The following IRGM variants were observed in gnomAD, a reference collection of about 807,000 sequenced individuals.
The protein encoded by IRGM is immunity related GTPase M.
For synonymous variants in IRGM, 98 were observed against 80.6 expected, an observed-to-expected ratio of 1.22 and a Z score of -1.16; for missense variants, 288 against 219.9, an observed-to-expected ratio of 1.31 and a Z score of -1.96.
At chr5:150,895,720 G>T in intron 3 of IRGM, 5 of 1,613,642 alleles carry the variant, frequency 3.1e-6, no homozygotes, top group Non-Finnish European at 3.4e-6. Flanking sequence ...CCAATGAGAT[G>T]TGACTTCTGG....
At chr5:150,877,031 T>G (rs1470650439) in intron 1 of IRGM, among the ~76,000 whole-genome samples, 1 of 152,214 alleles carries the variant, frequency 6.6e-6, no homozygotes, top group Non-Finnish European at 1.5e-5. Flanking sequence ...GGTTGGGGAT[T>G]GGTGCATTTC....
chr5:150,864,479 G>T (rs10077333), intron 1 of IRGM, among the ~76,000 whole-genome samples: 37,859 of 151,964 alleles, frequency 0.25, 6,780 homozygotes, highest in East Asian at 0.61. Flanking sequence ...CTTCCTAACA[G>T]CTGTATGTCT....
At chr5:150,858,988 C>T (rs1378797381) in intron 1 of IRGM, among the ~76,000 whole-genome samples, 3 of 152,204 alleles carry the variant, frequency 2.0e-5, no homozygotes, top group Non-Finnish European at 2.9e-5. Flanking sequence ...TGAGAGAGGG[C>T]ATCCCTGTCT....
chr5:150,897,991 T>C, intron 3 of IRGM: 1 of 1,528,420 alleles, frequency 6.5e-7, no homozygotes, highest in Admixed American at 2.1e-5. Flanking sequence ...AATAGGAGAT[T>C]TTGATAAGGA....
At chr5:150,871,172 T>C (rs1006675886) in intron 1 of IRGM, among the ~76,000 whole-genome samples, 3 of 152,230 alleles carry the variant, frequency 2.0e-5, no homozygotes, top group African/African-American at 7.2e-5. Flanking sequence ...CTGCCTTTTT[T>C]CCACCATGAC....
At chr5:150,888,495 A>G (rs896796389) in intron 3 of IRGM, among the ~76,000 whole-genome samples, 16 of 152,060 alleles carry the variant, frequency 1.1e-4, no homozygotes, top group African/African-American at 3.6e-4. Flanking sequence ...CCCAAAAATA[A>G]CAGAATATAC....
downstream of IRGM, among the ~76,000 whole-genome samples, chr5:150,849,740 G>A (rs1047765644): frequency 6.6e-6 from 1 of 151,442 alleles, no homozygotes; most frequent in East Asian, 1.9e-4. Flanking sequence ...CCAAGTAGCT[G>A]AGACAACAGG....
chr5:150,895,774 C>T (rs1242004223), intron 3 of IRGM: 4 of 1,613,502 alleles, frequency 2.5e-6, no homozygotes, highest in East Asian at 4.5e-5. Context: ...GGTTTTTCTC[C>T]AGTATGTGTT....
At chr5:150,881,286 A>G (rs1176811687) in intron 3 of IRGM, among the ~76,000 whole-genome samples, 2 of 152,268 alleles carry the variant, frequency 1.3e-5, no homozygotes, top group Non-Finnish European at 2.9e-5. Context: ...TATAACAGAT[A>G]AGGAGTTCCA....
chr5:150,847,383 A>C (rs1325494088), intron 1 of IRGM, 163 bp downstream of exon 1: 1 of 152,306 alleles, frequency 6.6e-6, no homozygotes, highest in Non-Finnish European at 1.5e-5. Context: ...GCAGACCTAT[A>C]TTAGGATAGA....
intron 1 of IRGM, among the ~76,000 whole-genome samples, chr5:150,853,811 T>C (rs1367916838): frequency 2.0e-5 from 3 of 152,100 alleles, no homozygotes; most frequent in Non-Finnish European, 4.4e-5. Context: ...CTGAGATCTA[T>C]AGTGAATCCG....
At chr5:150,874,466 A>T (rs1754333902) in intron 1 of IRGM, among the ~76,000 whole-genome samples, 1 of 152,186 alleles carries the variant, frequency 6.6e-6, no homozygotes, top group South Asian at 2.1e-4. Flanking sequence ...ATTCCTTCTA[A>T]GGTGAAGGAT....
chr5:150,868,364 A>C (rs1339192833), intron 1 of IRGM, among the ~76,000 whole-genome samples: 1 of 152,006 alleles, frequency 6.6e-6, no homozygotes, highest in Non-Finnish European at 1.5e-5. Flanking sequence ...ATGCTGTTTT[A>C]ATGACTGTAG....
rs754389152 is a variant in IRGM, at chr5:150,896,108, C to G, written c.*141-4481C>G. On this transcript the variant is annotated intron_variant and NMD_transcript_variant, in intron 3 of 3. Coordinates refer to the IRGM transcript ENST00000520549. ...ACTCTCTACATTCATAGGGTTTTTCCCCAGTATGTATTCTCTGATGTATAA... is the reference window on the plus strand; with the variant it reads ...ACTCTCTACATTCATAGGGTTTTTCGCCAGTATGTATTCTCTGATGTATAA... 8 of 1,612,938 alleles carry G rather than the reference C, an allele frequency of 5.0e-6. No homozygotes were observed. In the South Asian group the frequency reaches 8.8e-5, roughly 18 times the overall value.
At chr5:150,899,131 A>C (rs1049635497) in intron 3 of IRGM, among the ~76,000 whole-genome samples, 1 of 152,110 alleles carries the variant, frequency 6.6e-6, no homozygotes, top group Non-Finnish European at 1.5e-5. Context: ...GCATGAAACA[A>C]ATACATCCCT....
intron 3 of IRGM, among the ~76,000 whole-genome samples, chr5:150,885,240 T>C (rs1042851367): frequency 2.0e-5 from 3 of 152,104 alleles, no homozygotes; most frequent in African/African-American, 7.2e-5. Context: ...TGCAGCCTTA[T>C]TTTGGAGCTC....
intron 3 of IRGM, chr5:150,898,044 A>C: frequency 6.2e-7 from 1 of 1,604,080 alleles, no homozygotes; most frequent in Non-Finnish European, 8.5e-7. Flanking sequence ...AAAAAACATA[A>C]ATTGATATTT....
intron 3 of IRGM, among the ~76,000 whole-genome samples, chr5:150,890,477 A>G (rs1561752045): frequency 6.6e-6 from 1 of 151,692 alleles, no homozygotes; most frequent in Non-Finnish European, 1.5e-5. Context: ...TATTTAATTT[A>G]TGCTTTGAAC....
intron 1 of IRGM, among the ~76,000 whole-genome samples, chr5:150,857,380 C>T (rs1326273321): frequency 2.6e-5 from 4 of 152,042 alleles, no homozygotes; most frequent in East Asian, 3.8e-4. Context: ...TGAATAGTGC[C>T]GCAATAAACA....
Sources: allele counts gnomAD v4.1 joint callset (sites outside exome capture counted in the v4.1 genomes callset), GRCh38; gene constraint gnomAD v4.1.1; transcripts MANE v1.5; gene names NCBI Gene and HGNC (gene_info 2026-07-23, HGNC 2026-07-21).